The following CERS6 variants were observed in gnomAD, a reference collection of about 807,000 sequenced individuals.
CERS6 encodes LAG1 homolog, ceramide synthase 6.
A neutral mutation model predicts 56.8 loss-of-function variants in CERS6; 26 were observed. That is an observed-to-expected ratio of 0.46 (90% CI 0.34 to 0.63). The LOEUF (loss-of-function observed/expected upper bound fraction) is 0.63, where lower values mean the gene tolerates loss of function less well. Ranked by LOEUF, CERS6 falls within the 30% of genes least tolerant of loss-of-function variation. CERS6 has a pLI of 0.01. For synonymous variants in CERS6, 164 were observed against 173.3 expected (o/e 0.95, Z 0.42); for missense variants, 415 against 467.5 (o/e 0.89, Z 1.04).
chr2:168,531,820 C>CAA (rs370604357), intron 1 of CERS6, among the ~76,000 whole-genome samples: 13 of 95,598 alleles, frequency 1.4e-4, no homozygotes, highest in East Asian at 2.8e-4. Context: ...GACTCTGTCT[C>CAA]AAAAAAAAAA....
At chr2:168,747,158 T>G (rs1299834120) in intron 8 of CERS6, among the ~76,000 whole-genome samples, 1 of 152,044 alleles carries the variant, frequency 6.6e-6, no homozygotes, top group Admixed American at 6.6e-5. Context: ...TGATGGTGCA[T>G]GCCTATGGTC....
At chr2:168,659,816 T>C (rs1685582634) in intron 4 of CERS6, among the ~76,000 whole-genome samples, 1 of 152,198 alleles carries the variant, frequency 6.6e-6, no homozygotes. Context: ...GCATTCAGTA[T>C]AAAATTAAGG....
intron 4 of CERS6, among the ~76,000 whole-genome samples, chr2:168,672,371 A>G (rs75456404): frequency 0.038 from 5,783 of 152,282 alleles, 367 homozygotes; most frequent in African/African-American, 0.13. Context: ...GTGAAACCCC[A>G]TGAGAATATG....
chr2:168,712,455 G>C (rs186660724), intron 6 of CERS6, among the ~76,000 whole-genome samples: 101 of 152,226 alleles, frequency 6.6e-4, no homozygotes, highest in African/African-American at 2.4e-3. Flanking sequence ...TAAGTGCTTT[G>C]TACCTTTTCC....
intron 3 of CERS6, among the ~76,000 whole-genome samples, chr2:168,567,611 C>G (rs1048917407): frequency 2.6e-5 from 4 of 152,150 alleles, no homozygotes; most frequent in Non-Finnish European, 5.9e-5. Context: ...AGATGGCAGG[C>G]TGGATTTGGC....
At chr2:168,538,749 G>A (rs1222271509) in intron 1 of CERS6, among the ~76,000 whole-genome samples, 2 of 152,168 alleles carry the variant, frequency 1.3e-5, no homozygotes, top group Non-Finnish European at 2.9e-5. Context: ...GAGTCATTTT[G>A]TAGTGACTCA....
rs2105311853 is a variant in CERS6, at chr2:168,456,400, A to T, written c.-49A>T. On this transcript the variant is annotated 5_prime_UTR_variant, in exon 1 of 10. Transcript: ENST00000305747. The surrounding 1 kb of genome is among the most constrained non-coding windows in gnomAD (Gnocchi z 4.1). ...CATCCCCGGGCGCCCTGCGCGGTGG[A>T]GAGCTTGGCGGGCTGCGGGTGCCGC... 1 of 1,497,248 alleles carries T rather than the reference A, an allele frequency of 6.7e-7. No homozygotes were observed. Among genetic ancestry groups the T allele is most frequent in the Non-Finnish European group, 9.0e-7 (1 of 1,110,990 alleles). 92.7% of individuals were successfully genotyped at this position (1,497,248 alleles called of 1,614,324 possible).
At chr2:168,695,343 G>C (rs1436566636) in intron 6 of CERS6, among the ~76,000 whole-genome samples, 1 of 152,024 alleles carries the variant, frequency 6.6e-6, no homozygotes, top group Non-Finnish European at 1.5e-5. Flanking sequence ...AAGTTCCTCT[G>C]TTCTCCAAAT....
intron 3 of CERS6, among the ~76,000 whole-genome samples, chr2:168,628,121 T>A (rs1684631754): frequency 6.6e-6 from 1 of 152,208 alleles, no homozygotes; most frequent in Non-Finnish European, 1.5e-5. Context: ...TAAAAATTAC[T>A]AATGATTCCT....
At chr2:168,519,977 A>G (rs1428632695) in intron 1 of CERS6, among the ~76,000 whole-genome samples, 5 of 152,146 alleles carry the variant, frequency 3.3e-5, no homozygotes, top group Admixed American at 6.5e-5. Context: ...TGATAATTCT[A>G]TTTTTAGTTC....
intron 2 of CERS6, among the ~76,000 whole-genome samples, chr2:168,551,478 G>T (rs1485479357): frequency 6.6e-6 from 1 of 152,162 alleles, no homozygotes; most frequent in Non-Finnish European, 1.5e-5. Flanking sequence ...TCCCTAGGCT[G>T]CAGATAGCTC....
chr2:168,576,308 A>G (rs973122183), intron 3 of CERS6, among the ~76,000 whole-genome samples: 1 of 152,158 alleles, frequency 6.6e-6, no homozygotes, highest in African/African-American at 2.4e-5. Flanking sequence ...TTCATGACAA[A>G]GAGCCAGTCT....
intron 3 of CERS6, among the ~76,000 whole-genome samples, chr2:168,601,919 T>G (rs753266383): frequency 6.6e-6 from 1 of 152,196 alleles, no homozygotes; most frequent in Non-Finnish European, 1.5e-5. Flanking sequence ...CATGCAGTGT[T>G]GAACTTGAAA....
chr2:168,763,626 T>A (rs1684643841), intron 8 of CERS6, among the ~76,000 whole-genome samples: 1 of 152,156 alleles, frequency 6.6e-6, no homozygotes, highest in Non-Finnish European at 1.5e-5. Context: ...CATCACAATT[T>A]ATTTTATTTA....
At chr2:168,760,914 C>A (rs1181303420) in intron 8 of CERS6, among the ~76,000 whole-genome samples, 1 of 152,118 alleles carries the variant, frequency 6.6e-6, no homozygotes, top group Non-Finnish European at 1.5e-5. Flanking sequence ...CGCCACCACG[C>A]CCGGCTAATT....
At chr2:168,601,774 T>C (rs1210535955) in intron 3 of CERS6, among the ~76,000 whole-genome samples, 5 of 152,198 alleles carry the variant, frequency 3.3e-5, no homozygotes, top group African/African-American at 9.7e-5. Flanking sequence ...GTTCTTGAAC[T>C]CCTGACATCA....
intron 6 of CERS6, among the ~76,000 whole-genome samples, chr2:168,705,127 A>G (rs775942306): frequency 2.6e-5 from 4 of 152,318 alleles, no homozygotes; most frequent in Non-Finnish European, 4.4e-5. Flanking sequence ...GCCCGTCCTT[A>G]CTGTGTGACT....
intron 1 of CERS6, among the ~76,000 whole-genome samples, chr2:168,461,346 C>T (rs1027885492): frequency 2.6e-4 from 39 of 150,880 alleles, no homozygotes; most frequent in Non-Finnish European, 3.5e-4. Context: ...GGCTTCAGGC[C>T]GGGTGCAGTG....
At chr2:168,634,155 A>G (rs1387618161) in intron 4 of CERS6, among the ~76,000 whole-genome samples, 1 of 152,230 alleles carries the variant, frequency 6.6e-6, no homozygotes, top group African/African-American at 2.4e-5. Context: ...CAGTAAAGTT[A>G]CTGCTGTGTT....
Sources: gnomAD v4.1 joint callset for allele counts (sites outside exome capture counted in the v4.1 genomes callset) on GRCh38, gnomAD v4.1.1 for gene constraint, Gnocchi (gnomAD v3.1) non-coding constraint, MANE v1.5 for transcripts, NCBI Gene and HGNC (gene_info 2026-07-23, HGNC 2026-07-21) for gene names.